Variants in SLC5A10 observed in about 807,000 individuals in gnomAD.
SLC5A10 encodes solute carrier family 5 member 10.
SLC5A10 carries 55 observed loss-of-function variants against 68.9 expected under a neutral mutation model. That is an observed-to-expected ratio of 0.80 (90% confidence interval 0.64 to 1.00). The LOEUF is 1.00. SLC5A10 is among the 50% of genes least tolerant of loss of function. The pLI, the probability that SLC5A10 is intolerant of heterozygous loss-of-function variation, is 0.00. For missense variants in SLC5A10, 732 were observed against 819.3 expected, an observed-to-expected ratio of 0.89 and a Z score of 1.30; for synonymous variants, 344 against 344.8, an observed-to-expected ratio of 1.00 and a Z score of 0.02.
At chr17:19,010,380 G>A (rs1019376135) in intron 9 of SLC5A10, among the ~76,000 whole-genome samples, 2 of 152,146 alleles carry the variant, frequency 1.3e-5, no homozygotes, top group Admixed American at 6.5e-5. Flanking sequence ...TCCTAGGCCT[G>A]CAGAAGCCAG....
chr17:19,021,971 G>A lies in SLC5A10; in HGVS notation c.*1540G>A, dbSNP rs1181975582. On this transcript the variant is annotated 3_prime_UTR_variant, in exon 15 of 15. Transcript: ENST00000395645. The surrounding 1 kb of genome is among the most constrained non-coding windows in gnomAD (Gnocchi z 4.1). Reference sequence around the variant, plus strand: ...GCCGCCGGGCTGCTCACAGGTGCACGGGCTGCACGTAACTCCGTGGGAAGA... The same window carrying A: ...GCCGCCGGGCTGCTCACAGGTGCACAGGCTGCACGTAACTCCGTGGGAAGA... 4 of 1,561,206 alleles carry A rather than the reference G, an allele frequency of 2.6e-6. No homozygotes were observed. The highest frequency in any genetic ancestry group is 2.1e-4 in the Middle Eastern group (1 of 4,688).
chr17:19,014,586 C>T lies in SLC5A10; in HGVS notation c.1091-463C>T, dbSNP rs2074281. ...CCGCCCAAGCCTTCCTCACCAACCC[C>T]ACCGCACCCCAAAGTCCTGCCGCTG... On this transcript the variant is annotated intron_variant, in intron 10 of 14. Transcript: ENST00000395645. 9.6e-3 allele frequency among the ~76,000 whole-genome samples: 1,458 copies of T among 152,322 alleles called. 122 individuals carry two copies. The East Asian group carries it at 0.2, about 21-fold the overall frequency.
chr17:19,004,175 G>A lies in SLC5A10; in HGVS notation c.983-9235G>A. 1.2e-6 allele frequency: 1 copy of A among 853,560 alleles called. No individual in the cohort carries two copies. Among genetic ancestry groups the A allele is most frequent in the Middle Eastern group, 3.6e-4 (1 of 2,742 alleles). 52.9% of individuals were successfully genotyped at this position (853,560 alleles called of 1,614,324 possible). On this transcript the variant is annotated intron_variant, in intron 9 of 14. Coordinates refer to ENST00000395645, the MANE Select transcript of SLC5A10 (RefSeq NM_001042450.4). This position sits in a 1 kb window ranked among gnomAD's most constrained non-coding sequence, Gnocchi z 5.4. ...CTTCTCTGCCCATGAGCAATCTGCG[G>A]GAAAGACCTGATGAGCCCGGCTCGG...
At chr17:18,976,538 C>A (rs2042984800) in intron 8 of SLC5A10, 1 of 350,750 alleles carries the variant, frequency 2.9e-6, no homozygotes, top group Non-Finnish European at 5.2e-6. Context: ...ACCACCCCAC[C>A]CAGGGTCTCC....
chr17:18,977,643 C>A, intron 9 of SLC5A10: 1 of 1,609,964 alleles, frequency 6.2e-7, no homozygotes, highest in Non-Finnish European at 8.5e-7. Context: ...TCTGCTTCTT[C>A]TCTTCCCCGA....
chr17:18,958,284 T>C (rs932629490), intron 1 of SLC5A10, among the ~76,000 whole-genome samples: 2 of 152,174 alleles, frequency 1.3e-5, no homozygotes, highest in African/African-American at 4.8e-5. Context: ...GGTCTCAAAC[T>C]GCTAGGCTCA....
chr17:19,020,224 A>G lies in SLC5A10; in HGVS notation c.1684+12A>G. On this transcript the variant is annotated intron_variant, in intron 14 of 14. Transcript: ENST00000395645. Reference sequence around the variant, plus strand: ...GGGAACTAAAGCAGGTAAGTGGATGACCCTAGGCACTCCTCCACCTTGACC... The same window carrying G: ...GGGAACTAAAGCAGGTAAGTGGATGGCCCTAGGCACTCCTCCACCTTGACC... The G allele has an allele frequency of 6.2e-7, 1 of 1,613,018 alleles. No homozygotes were observed. The highest frequency in any genetic ancestry group is 8.5e-7 in the Non-Finnish European group (1 of 1,179,634).
At position 18,986,938 on chromosome 17, in the gene SLC5A10, C is replaced by T. The variant is rs140310256; in HGVS notation, c.982+9949C>T. Among the ~76,000 whole-genome samples, 607 of 152,296 alleles carry T rather than the reference C, an allele frequency of 4.0e-3. 11 individuals are homozygous for T. The highest frequency in any genetic ancestry group is 8.1e-3 in the East Asian group (42 of 5,186). On this transcript the variant is annotated intron_variant, in intron 9 of 14. Coordinates refer to ENST00000395645, the MANE Select transcript of SLC5A10 (RefSeq NM_001042450.4). ...GAATCGATTCCCAGCACTAATTACGCGGCGGGGAGTGAGGTGGGTGTGGGG... is the reference window on the plus strand; with the variant it reads ...GAATCGATTCCCAGCACTAATTACGTGGCGGGGAGTGAGGTGGGTGTGGGG...
At chr17:18,962,496 T>A (rs2042630526) in intron 5 of SLC5A10, among the ~76,000 whole-genome samples, 1 of 152,094 alleles carries the variant, frequency 6.6e-6, no homozygotes, top group Non-Finnish European at 1.5e-5. Flanking sequence ...CCAGAGAACG[T>A]GCCCCAGGAT....
In SLC5A10 at chr17:18,971,370, T is replaced by TGTG. The variant is rs1484462997; in HGVS notation, c.846+153_846+154insTGG. 3.3e-6 allele frequency: 5 copies of TGTG among 1,497,326 alleles called. No individual in the cohort carries two copies. In the South Asian group the frequency reaches 3.6e-5, roughly 11 times the overall value. 92.8% of individuals were successfully genotyped at this position (1,497,326 alleles called of 1,614,324 possible). A position where few individuals can be genotyped will look rare whatever the true frequency, so the allele number is the denominator to read the frequency against. On this transcript the variant is annotated intron_variant, in intron 8 of 14. Coordinates refer to ENST00000395645, the MANE Select transcript of SLC5A10 (RefSeq NM_001042450.4). This position sits in a 1 kb window ranked among gnomAD's most constrained non-coding sequence, Gnocchi z 5.5. Reference sequence around the variant, plus strand: ...GCTGGGACATGCTGCTAGGGGTCTTTGCGGTCCCGGGGGGCTTGAGCCCTC... The same window carrying TGTG: ...GCTGGGACATGCTGCTAGGGGTCTTTGTGGCGGTCCCGGGGGGCTTGAGCCCTC...
rs754235761 is a variant in SLC5A10 at position 18,959,609 on chromosome 17, G to A, written c.294G>A (p.Thr98=). The A allele has an allele frequency of 1.2e-6, 2 of 1,613,918 alleles. No individual in the cohort carries two copies. Among genetic ancestry groups the A allele is most frequent in the African/African-American group, 1.3e-5 (1 of 75,044 alleles). Residue 98 remains threonine (T), a synonymous_variant, in exon 4 of 15, where the codon ACG becomes ACA. Transcript: ENST00000395645. ...LAVAGFEWNA[T]YVLLALAWVF... is the part of the protein sequence containing the mutation. ...ACCTGTCTCTGTCCCCATAGGCCAC[G>A]TACGTGCTGCTGGCACTGGCATGGG...
intron 9 of SLC5A10, among the ~76,000 whole-genome samples, chr17:18,980,525 C>G (rs1381326218): frequency 6.6e-6 from 1 of 152,094 alleles, no homozygotes; most frequent in East Asian, 1.9e-4. Context: ...ACATAAGGGC[C>G]CTCTGTCCCA....
chr17:18,973,097 C>T (rs2042894933), intron 8 of SLC5A10, among the ~76,000 whole-genome samples: 1 of 152,214 alleles, frequency 6.6e-6, no homozygotes, highest in Non-Finnish European at 1.5e-5. Context: ...GGGCTGAGGG[C>T]CAGCCCCAGT....
At position 19,017,378 on chromosome 17, in the gene SLC5A10, G is replaced by C. The variant is rs949933175; in HGVS notation, c.1242-2045G>C. 1 of 1,551,770 alleles carries C rather than the reference G, an allele frequency of 6.4e-7. No homozygotes were observed. Among genetic ancestry groups the C allele is most frequent in the Admixed American group, 2.0e-5 (1 of 51,000 alleles). ...ATTGGAGCGGTATCTCCTAGGCCTC[G>C]TGGTCATGGATCTCTGGTAGGGTGA... On this transcript the variant is annotated intron_variant, in intron 11 of 14. Transcript: ENST00000395645. This position sits in a 1 kb window ranked among gnomAD's most constrained non-coding sequence, Gnocchi z 5.6.
upstream of SLC5A10, chr17:18,952,153 G>A: frequency 2.5e-6 from 4 of 1,576,310 alleles, no homozygotes; most frequent in Non-Finnish European, 3.4e-6. Flanking sequence ...TTTCTGACCT[G>A]GTTTGCCCCT....
chr17:18,987,756 C>T (rs1023765513), intron 9 of SLC5A10, among the ~76,000 whole-genome samples: 5 of 152,226 alleles, frequency 3.3e-5, no homozygotes, highest in Non-Finnish European at 5.9e-5. Flanking sequence ...TTCCCTGGCC[C>T]CAGCCTGAGG....
intron 9 of SLC5A10, among the ~76,000 whole-genome samples, chr17:19,008,855 C>G (rs868213741): frequency 4.7e-5 from 7 of 150,146 alleles, no homozygotes; most frequent in South Asian, 2.1e-4. Flanking sequence ...CTGTGTCTCC[C>G]AGGCTGGAGT....
In SLC5A10 at chr17:19,013,533, TG is replaced by T; in HGVS notation, c.1090+21del. On this transcript the variant is annotated intron_variant, in intron 10 of 14. Coordinates refer to ENST00000395645, the MANE Select transcript of SLC5A10 (RefSeq NM_001042450.4). ...ATGCCCATCGGTGAGGCTGTGTGGG[TG>T]GGGGTCTGGGTGGAGGGCGTGGGGT... is the stretch of plus-strand genomic sequence containing the variant. 2 of 1,443,996 alleles carry T rather than the reference TG, an allele frequency of 1.4e-6. No homozygotes were observed. The highest frequency in any genetic ancestry group is 1.2e-5 in the South Asian group (1 of 83,652). The allele number at this position is 1,443,996 out of a possible 1,614,324, so 89.4% of individuals were successfully genotyped here.
chr17:18,967,473 G>C (rs961064827), intron 5 of SLC5A10, among the ~76,000 whole-genome samples: 2 of 152,242 alleles, frequency 1.3e-5, no homozygotes, highest in Non-Finnish European at 2.9e-5. Context: ...GAGGGAATCT[G>C]GTGAGCCGGT....
Sources: allele counts gnomAD v4.1 joint callset (sites outside exome capture counted in the v4.1 genomes callset), GRCh38; gene constraint gnomAD v4.1.1; non-coding constraint Gnocchi (gnomAD v3.1); transcripts MANE v1.5; gene names NCBI Gene and HGNC (gene_info 2026-07-23, HGNC 2026-07-21).